Variants in RFX7 observed in about 807,000 individuals in gnomAD.
RFX7 encodes the protein DNA-binding protein RFX7.
RFX7 carries 26 observed loss-of-function variants against 111.8 expected under a neutral mutation model. The ratio of observed to expected loss-of-function variants is 0.23; its 90% CI spans 0.17 to 0.32. The LOEUF (loss-of-function observed/expected upper bound fraction) is 0.32, where lower values mean the gene tolerates loss of function less well. Among genes scored for constraint, RFX7 ranks in the 10% least tolerant of loss-of-function variants. RFX7 has a pLI of 1.00. For synonymous variants in RFX7, 624 were observed against 624.4 expected, an observed-to-expected ratio of 1.00 and a Z score of 0.01; for missense variants, 1,573 against 1,772.9, an observed-to-expected ratio of 0.89 and a Z score of 2.02.
chr15:56,093,075 G>GT lies in RFX7; in HGVS notation c.*269dup, dbSNP rs1170356936. 4 of 357,918 alleles carry GT rather than the reference G, an allele frequency of 1.1e-5. No homozygotes were observed. Among genetic ancestry groups the GT allele is most frequent in the Non-Finnish European group, 2.0e-5 (4 of 198,086 alleles). 22.2% of individuals were successfully genotyped at this position (357,918 alleles called of 1,614,324 possible). ...CACAAAATAAAGATCGACTGCTCTT[G>GT]TAACAGCTGGATAGTCAATCAATGT... is the stretch of plus-strand genomic sequence containing the variant. On this transcript the variant is annotated 3_prime_UTR_variant, in exon 10 of 10. Coordinates refer to ENST00000559447, the MANE Select transcript of RFX7 (RefSeq NM_022841.7).
At chr15:56,123,896 C>A (rs1322800677) in intron 5 of RFX7, among the ~76,000 whole-genome samples, 1 of 152,196 alleles carries the variant, frequency 6.6e-6, no homozygotes, top group African/African-American at 2.4e-5. Context: ...TGGACTCATT[C>A]TCCGTGGCAG....
chr15:56,102,261 A>G lies in RFX7; in HGVS notation c.519-8T>C. On this transcript the variant is annotated splice_polypyrimidine_tract_variant and splice_region_variant and intron_variant, in intron 6 of 9. Transcript: ENST00000559447. The stretch of plus-strand genomic sequence containing the variant: ...AGTCCACTGTAGCAATATGTAATAA[A>G]CAGTTAAGGTCTAAATATTCAAAAT... 1 of 1,555,716 alleles carries G rather than the reference A, an allele frequency of 6.4e-7. No homozygotes were observed. Among genetic ancestry groups the G allele is most frequent in the Non-Finnish European group, 8.9e-7 (1 of 1,129,612 alleles).
At chr15:56,111,266 G>A (rs1567011935) in intron 5 of RFX7, among the ~76,000 whole-genome samples, 1 of 150,786 alleles carries the variant, frequency 6.6e-6, no homozygotes, top group Non-Finnish European at 1.5e-5. Flanking sequence ...TGTAGAAAGA[G>A]GTAGACATGG....
chr15:56,134,650 G>C (rs1166180407), intron 5 of RFX7, among the ~76,000 whole-genome samples: 20 of 144,836 alleles, frequency 1.4e-4, no homozygotes, highest in South Asian at 2.2e-4. Context: ...TTAAGTTTTA[G>C]GGTACATGTG....
At position 56,179,369 on chromosome 15, in the gene RFX7, A is replaced by G. The variant is rs574028988; in HGVS notation, c.162-66T>C. On this transcript the variant is annotated intron_variant, in intron 2 of 9. Transcript: ENST00000559447. ...TATTAACTATCTGCAATATTCTCAA[A>G]AAGATGTGGTAATTTAGTCTTCCTT... 7.3e-5 allele frequency: 51 copies of G among 701,048 alleles called. No homozygotes were observed. In the African/African-American group the frequency reaches 9.5e-4, roughly 13 times the overall value. The allele number at this position is 701,048 out of a possible 1,614,324, so 43.4% of individuals were successfully genotyped here. A position where few individuals can be genotyped will look rare whatever the true frequency, so the allele number is the denominator to read the frequency against.
chr15:56,121,538 C>T (rs1019096333), intron 5 of RFX7, among the ~76,000 whole-genome samples: 1 of 152,132 alleles, frequency 6.6e-6, no homozygotes, highest in Admixed American at 6.5e-5. Context: ...TTTTCTGTAA[C>T]TTTCTTGTAC....
chr15:56,096,080 C>T lies in RFX7; in HGVS notation c.1648G>A (p.Val550Ile). 1 of 1,613,620 alleles carries T rather than the reference C, an allele frequency of 6.2e-7. No homozygotes were observed. Among genetic ancestry groups the T allele is most frequent in the Non-Finnish European group, 8.5e-7 (1 of 1,179,740 alleles). Reference protein sequence around the residue: ...EPETSSDEHPVQCQENSDEAK... With the variant: ...EPETSSDEHPIQCQENSDEAK... The stretch of plus-strand genomic sequence containing the variant: ...TCATCAGAGTTCTCTTGGCACTGTA[C>T]AGGATGCTCATCTGATGATGTTTCG... Residue 550 changes from valine (V) to isoleucine (I), a missense_variant, in exon 10 of 10, where the codon GTA becomes ATA. This residue lies in a region of RFX7 where 625 missense variants were observed against 632.2 expected (regional missense o/e 0.99). Coordinates refer to ENST00000559447, the MANE Select transcript of RFX7 (RefSeq NM_022841.7).
At chr15:56,234,979 G>A (rs140188804) in intron 2 of RFX7, among the ~76,000 whole-genome samples, 8 of 152,300 alleles carry the variant, frequency 5.3e-5, no homozygotes, top group Non-Finnish European at 1.2e-4. Context: ...CGAAAGGTTC[G>A]TGAGACATGT....
At chr15:56,137,266 G>C (rs1293241462) in intron 5 of RFX7, among the ~76,000 whole-genome samples, 6 of 152,078 alleles carry the variant, frequency 3.9e-5, no homozygotes, top group Non-Finnish European at 8.8e-5. Context: ...TGGTTGGTAA[G>C]CTATTGATTA....
chr15:56,213,442 T>C (rs2043331900), intron 2 of RFX7, among the ~76,000 whole-genome samples: 1 of 152,180 alleles, frequency 6.6e-6, no homozygotes, highest in African/African-American at 2.4e-5. Flanking sequence ...TCCCAAAAGA[T>C]GACTTATGAT....
intron 2 of RFX7, among the ~76,000 whole-genome samples, chr15:56,242,699 T>C (rs1158129238): frequency 6.6e-6 from 1 of 152,202 alleles, no homozygotes; most frequent in Non-Finnish European, 1.5e-5. Flanking sequence ...ATATTAATAT[T>C]CTTACGCACA....
upstream of RFX7, among the ~76,000 whole-genome samples, chr15:56,244,751 G>A (rs1166712205): frequency 1.3e-5 from 2 of 152,000 alleles, no homozygotes; most frequent in East Asian, 1.9e-4. Flanking sequence ...AGGCTCAGGC[G>A]TCAGCCACGA....
At chr15:56,110,340 C>T (rs1208373294) in intron 5 of RFX7, among the ~76,000 whole-genome samples, 1 of 110,784 alleles carries the variant, frequency 9.0e-6, no homozygotes, top group Non-Finnish European at 2.0e-5. Flanking sequence ...AGCCCCCCGC[C>T]TGGCCAGCCG....
chr15:56,155,382 A>G (rs939375935), intron 3 of RFX7, among the ~76,000 whole-genome samples: 11 of 152,218 alleles, frequency 7.2e-5, no homozygotes, highest in Admixed American at 2.6e-4. Context: ...TATCAATGAT[A>G]GACTGGATTA....
chr15:56,159,857 T>C (rs1314895059), intron 3 of RFX7, among the ~76,000 whole-genome samples: 1 of 152,224 alleles, frequency 6.6e-6, no homozygotes, highest in African/African-American at 2.4e-5. Flanking sequence ...TATGTTTTCA[T>C]TATTTATTGG....
Position 56,098,094 on chromosome 15 carries a change from G to C in RFX7, c.1094C>G (p.Pro365Arg), listed in dbSNP as rs761933388. Residue 365 changes from proline to arginine, a missense_variant, in exon 9 of 10, where the codon CCT (proline) becomes CGT (arginine). Transcript: ENST00000559447. ...TAATTATATTACCGGAATGGGACTA[G>C]GGACAGCTGCCACAACGATACCAAT... ...QPIGIVVAAVPSPIPVQRTRQ... is the reference protein window; with the variant it reads ...QPIGIVVAAVRSPIPVQRTRQ... 6.2e-7 allele frequency: 1 copy of C among 1,613,696 alleles called. No homozygotes were observed. The highest frequency in any genetic ancestry group is 1.7e-5 in the Admixed American group (1 of 60,002).
intron 2 of RFX7, among the ~76,000 whole-genome samples, chr15:56,213,526 G>A (rs1196292302): frequency 6.6e-6 from 1 of 152,162 alleles, no homozygotes; most frequent in Non-Finnish European, 1.5e-5. Flanking sequence ...GCCAATAGTT[G>A]AGGGTGAAAG....
At chr15:56,160,467 C>T (rs527837904) in intron 3 of RFX7, among the ~76,000 whole-genome samples, 167 of 151,546 alleles carry the variant, frequency 1.1e-3, no homozygotes, top group African/African-American at 4.0e-3. Flanking sequence ...ATGGAGGGAA[C>T]ATAAATACAC....
chr15:56,110,298 G>A (rs1310059453), intron 5 of RFX7, among the ~76,000 whole-genome samples: 45 of 56,538 alleles, frequency 8.0e-4, no homozygotes, highest in Non-Finnish European at 9.2e-4. Flanking sequence ...CTGGCCAGCC[G>A]CCCCGTCCGG....
Sources: allele counts gnomAD v4.1 joint callset (sites outside exome capture counted in the v4.1 genomes callset), GRCh38; gene constraint gnomAD v4.1.1; regional missense constraint gnomAD v4.1.1; transcripts MANE v1.5; gene names NCBI Gene and HGNC (gene_info 2026-07-23, HGNC 2026-07-21).